Variants in RPS6KA4 observed in about 807,000 individuals in gnomAD.
RPS6KA4 encodes ribosomal protein S6 kinase A4.
In RPS6KA4, 38 loss-of-function variants were observed where a neutral mutation model predicts 89.6. The ratio of observed to expected loss-of-function variants is 0.42; its 90% CI spans 0.33 to 0.56. The LOEUF (loss-of-function observed/expected upper bound fraction) is 0.56. RPS6KA4 is among the 20% of genes least tolerant of loss of function. The pLI, the probability that RPS6KA4 is intolerant of heterozygous loss-of-function variation, is 0.07. For missense variants in RPS6KA4, 873 were observed against 1,098.8 expected (o/e 0.79, Z 2.90); for synonymous variants, 495 against 492.8 (o/e 1.00, Z -0.06).
intron 4 of RPS6KA4, 50 bp downstream of exon 4, chr11:64,360,642 C>A: frequency 6.8e-7 from 1 of 1,477,676 alleles, no homozygotes; most frequent in Non-Finnish European, 9.3e-7. Flanking sequence ...TGGGTCTGTG[C>A]CTTGGAAGGA....
chr11:64,366,186 TTTTGAGACGGAGTCTCAC>T, intron 9 of RPS6KA4, among the ~76,000 whole-genome samples: 1 of 151,186 alleles, frequency 6.6e-6, no homozygotes, highest in Middle Eastern at 3.4e-3. Context: ...TTTTTTTTTT[TTTTGAGACGGAGTCTCAC>T]TCTGTCTCCA....
chr11:64,368,423 C>A, intron 10 of RPS6KA4, 45 bp from the exon 11 acceptor site: 6 of 1,544,614 alleles, frequency 3.9e-6, no homozygotes, highest in Non-Finnish European at 5.2e-6. Context: ...CCAGGTGGGA[C>A]CTCTGACGCG....
rs2037076704 is a variant in RPS6KA4, at chr11:64,371,503, C to T, written c.*23C>T. On this transcript the variant is annotated 3_prime_UTR_variant, in exon 17 of 17. Transcript: ENST00000334205. ...TAATCCCCACCACTGTGACCCCCTT[C>T]CCTCATAGGGGCTGTGACCTGGGAG... The T allele has an allele frequency of 3.2e-6, 3 of 940,236 alleles. No homozygotes were observed. In the East Asian group the frequency reaches 7.8e-5, roughly 25 times the overall value. 58.2% of individuals were successfully genotyped at this position (940,236 alleles called of 1,614,324 possible). A position where few individuals can be genotyped will look rare whatever the true frequency, so the allele number is the denominator to read the frequency against.
At position 64,361,891 on chromosome 11, in the gene RPS6KA4, C is replaced by G. The variant is rs138093547; in HGVS notation, c.795C>G (p.Ile265Met). ...LKCSPPFPPR[I>M]GPVAQDLLQR... ...GCTCCCCTCCCTTCCCCCCTCGGAT[C>G]GGGCCCGTGGCGCAGGACCTGCTGC... The change falls in exon 8 of 17, where the codon ATC becomes ATG. Residue 265 changes from isoleucine (I) to methionine (M), a missense_variant. Around this residue, in one of 4 missense-constraint regions of RPS6KA4, gnomAD observed 542 missense variants for 736.4 expected, o/e 0.74. Transcript: ENST00000334205. The surrounding 1 kb of genome is among the most constrained non-coding windows in gnomAD (Gnocchi z 4.7). 3 of 1,612,988 alleles carry G rather than the reference C, an allele frequency of 1.9e-6. No individual in the cohort carries two copies. The highest frequency in any genetic ancestry group is 1.7e-4 in the Middle Eastern group (1 of 6,058).
rs373639233 is a variant in RPS6KA4 at position 64,361,689 on chromosome 11, G to T, written c.699G>T (p.Thr233=). The T allele has an allele frequency of 6.2e-7, 1 of 1,612,296 alleles. No homozygotes were observed. Among genetic ancestry groups the T allele is most frequent in the Non-Finnish European group, 8.5e-7 (1 of 1,179,752 alleles). Residue 233 remains threonine (T), a synonymous_variant, in exon 7 of 17, where the codon ACG becomes ACT. Coordinates refer to ENST00000334205, the MANE Select transcript of RPS6KA4 (RefSeq NM_003942.3). The surrounding 1 kb of genome is among the most constrained non-coding windows in gnomAD (Gnocchi z 4.7). ...SLGILLFELL[T]GASPFTLEGE... ...GCATCTTGCTCTTCGAGCTGCTGAC[G>T]GGGGCCTCGCCCTTCACCCTGGAGG...
In RPS6KA4 at chr11:64,367,222, T is replaced by G. The variant is rs540982698; in HGVS notation, c.1072-910T>G. Among the ~76,000 whole-genome samples, 4 of 152,318 alleles carry G rather than the reference T, an allele frequency of 2.6e-5. No individual in the cohort carries two copies. The East Asian group carries it at 7.7e-4, about 29-fold the overall frequency. On this transcript the variant is annotated intron_variant, in intron 9 of 16. Coordinates refer to ENST00000334205, the MANE Select transcript of RPS6KA4 (RefSeq NM_003942.3). ...GTGCAGTTGGGCAACCATGGCTCAC[T>G]GCAATCTTGAACTCCTGGGCTTGAG...
chr11:64,359,449 G>T lies in RPS6KA4; in HGVS notation c.127G>T (p.Ala43Ser). ...FELLKVLGTG[A>S]YGKVFLVRKA... ...GCTGCTCAAGGTGCTGGGCACGGGAGGTGAGGACCCCCATCCACCGGGCAG... is the reference window on the plus strand; with the variant it reads ...GCTGCTCAAGGTGCTGGGCACGGGATGTGAGGACCCCCATCCACCGGGCAG... Residue 43 changes from alanine to serine, a missense_variant and splice_region_variant, in exon 2 of 17, where the codon GCC becomes TCC. Ala to Ser is a moderately conservative substitution (Grantham distance 99). Coordinates refer to ENST00000334205, the MANE Select transcript of RPS6KA4 (RefSeq NM_003942.3). 6.2e-7 allele frequency: 1 copy of T among 1,613,420 alleles called. No homozygotes were observed. The highest frequency in any genetic ancestry group is 1.1e-5 in the South Asian group (1 of 91,026).
rs187179762 is a variant in RPS6KA4, at chr11:64,362,466, G to A, written c.906+464G>A. On this transcript the variant is annotated intron_variant, in intron 8 of 16. Coordinates refer to ENST00000334205, the MANE Select transcript of RPS6KA4 (RefSeq NM_003942.3). ...CTGTGTGCCTGTCATTCAGATGGACGGTTGATCAGCACACATGGGTGTTTG... is the reference window on the plus strand; with the variant it reads ...CTGTGTGCCTGTCATTCAGATGGACAGTTGATCAGCACACATGGGTGTTTG... Among the ~76,000 whole-genome samples the A allele has an allele frequency of 3.6e-4, 55 of 152,344 alleles. 1 individual carries two copies. The highest frequency in any genetic ancestry group is 3.5e-3 in the Admixed American group (53 of 15,306).
rs1330866561 is a variant in RPS6KA4 at position 64,371,941 on chromosome 11, G to A, written c.*461G>A. 6.5e-6 allele frequency: 1 copy of A among 153,818 alleles called. No homozygotes were observed. Among genetic ancestry groups the A allele is most frequent in the Non-Finnish European group, 1.4e-5 (1 of 69,022 alleles). 9.5% of individuals were successfully genotyped at this position (153,818 alleles called of 1,614,324 possible). ...TTACGTCCACCAAAGACCCGTGTTG[G>A]GGGTACTGAAGGAGAGGCCCTGGGG... On this transcript the variant is annotated 3_prime_UTR_variant, in exon 17 of 17. Coordinates refer to ENST00000334205, the MANE Select transcript of RPS6KA4 (RefSeq NM_003942.3).
At chr11:64,362,283 G>A (rs1439531217) in intron 8 of RPS6KA4, among the ~76,000 whole-genome samples, 1 of 152,250 alleles carries the variant, frequency 6.6e-6, no homozygotes, top group African/African-American at 2.4e-5. Flanking sequence ...GAGAAGGCAG[G>A]TGACCTGCCC....
At chr11:64,368,419 G>A in intron 10 of RPS6KA4, 49 bp from the exon 11 acceptor site, 1 of 1,543,554 alleles carries the variant, frequency 6.5e-7, no homozygotes, top group South Asian at 1.2e-5. Flanking sequence ...GCTACCAGGT[G>A]GGACCTCTGA....
At position 64,365,350 on chromosome 11, in the gene RPS6KA4, G is replaced by C; in HGVS notation, c.956G>C (p.Arg319Pro). ...GCCAGGAAGATTCCAGCCCCATTCC[G>C]GCCCCAAATCCGCTCAGAGCTGGAT... ...LAARKIPAPF[R>P]PQIRSELDVG... The change falls in exon 9 of 17, where the codon CGG becomes CCG. Residue 319 changes from arginine to proline, a missense_variant. This residue lies in a region of RPS6KA4 where 542 missense variants were observed against 736.4 expected (regional missense o/e 0.74). Transcript: ENST00000334205. 6.2e-7 allele frequency: 1 copy of C among 1,613,990 alleles called. No individual in the cohort carries two copies. Among genetic ancestry groups the C allele is most frequent in the Non-Finnish European group, 8.5e-7 (1 of 1,179,962 alleles).
Position 64,369,454 on chromosome 11 carries a change from G to T in RPS6KA4, c.1437G>T (p.Thr479=). The change falls in exon 13 of 17, where the codon ACG becomes ACT. Residue 479 remains threonine, a synonymous_variant. Transcript: ENST00000334205. ...LHEVHHDQLH[T]YLVLELLRGG... ...CGCCACGCCGCCCGCAGCTGCACAC[G>T]TACCTGGTCCTGGAGCTGCTGCGGG... 2.5e-6 allele frequency: 4 copies of T among 1,604,552 alleles called. No individual in the cohort carries two copies. The highest frequency in any genetic ancestry group is 1.8e-4 in the Middle Eastern group (1 of 5,634).
chr11:64,370,238 C>G lies in RPS6KA4; in HGVS notation c.1811C>G (p.Ser604Trp), dbSNP rs1441850972. The change falls in exon 15 of 17, where the codon TCG becomes TGG. Residue 604 changes from serine to tryptophan, a missense_variant. Ser to Trp is a radical substitution (Grantham distance 177, BLOSUM62 -3). Coordinates refer to ENST00000334205, the MANE Select transcript of RPS6KA4 (RefSeq NM_003942.3). This position sits in a 1 kb window ranked among gnomAD's most constrained non-coding sequence, Gnocchi z 4.1. Reference protein sequence around the residue: ...SLGVILYMMLSGQVPFQGASG... With the variant: ...SLGVILYMMLWGQVPFQGASG... ...TCACCCTCCTAGTACATGATGCTGT[C>G]GGGGCAGGTCCCCTTCCAGGGGGCC... 6.4e-7 allele frequency: 1 copy of G among 1,562,866 alleles called. No homozygotes were observed. Among genetic ancestry groups the G allele is most frequent in the Admixed American group, 2.2e-5 (1 of 45,670 alleles).
At position 64,369,841 on chromosome 11, in the gene RPS6KA4, C is replaced by A; in HGVS notation, c.1745C>A (p.Ala582Glu). 6.3e-7 allele frequency: 1 copy of A among 1,584,814 alleles called. No homozygotes were observed. The highest frequency in any genetic ancestry group is 8.6e-7 in the Non-Finnish European group (1 of 1,166,556). Residue 582 changes from alanine (A) to glutamate (E), a missense_variant, in exon 14 of 17, where the codon GCG (alanine) becomes GAG (glutamate). By Grantham distance (107) the Ala-to-Glu change is moderately radical. Transcript: ENST00000334205. ...TLQYAAPELL[A>E]QQGYDESCDL... ...CAGTACGCTGCCCCCGAGCTGCTGG[C>A]GCAGCAGGGCTACGACGAGTCCTGC... is the stretch of plus-strand genomic sequence containing the variant.
Position 64,361,643 on chromosome 11 carries a change from C to A in RPS6KA4, c.653C>A (p.Ala218Asp). The change falls in exon 7 of 17, where the codon GCT becomes GAT. Residue 218 changes from alanine (A) to aspartate (D), a missense_variant and splice_region_variant. Transcript: ENST00000334205. The surrounding 1 kb of genome is among the most constrained non-coding windows in gnomAD (Gnocchi z 4.7). ...IIRSKTGHGK[A>D]VDWWSLGILL... ...CCTCACCCCGGCTCCACCCGGCAGG[C>A]TGTGGACTGGTGGAGCCTGGGCATC... 6.2e-7 allele frequency: 1 copy of A among 1,613,276 alleles called. No homozygotes were observed. The highest frequency in any genetic ancestry group is 2.2e-5 in the East Asian group (1 of 44,862).
chr11:64,367,174 C>T (rs905262610), intron 9 of RPS6KA4, among the ~76,000 whole-genome samples: 1 of 152,132 alleles, frequency 6.6e-6, no homozygotes, highest in African/African-American at 2.4e-5. Flanking sequence ...GAGACAGGAT[C>T]TTGTTCTGTG....
chr11:64,363,199 G>A (rs113934954), intron 8 of RPS6KA4, among the ~76,000 whole-genome samples: 3 of 152,356 alleles, frequency 2.0e-5, no homozygotes, highest in African/African-American at 7.2e-5. Flanking sequence ...GCCAGGTACT[G>A]TGTTACTCAT....
Position 64,361,816 on chromosome 11 carries a change from G to A in RPS6KA4, c.756-36G>A, listed in dbSNP as rs775304238. On this transcript the variant is annotated intron_variant, in intron 7 of 16. Transcript: ENST00000334205. The surrounding 1 kb of genome is among the most constrained non-coding windows in gnomAD (Gnocchi z 4.7). ...TGCCTGGGCAGGGCTGTGGGTGGGG[G>A]GCTTGCTGCCCCTGACACCCCCCCA... The A allele has an allele frequency of 3.8e-6, 6 of 1,586,004 alleles. No homozygotes were observed. The highest frequency in any genetic ancestry group is 4.3e-6 in the Non-Finnish European group (5 of 1,169,416).
Sources: gnomAD v4.1 joint callset for allele counts (sites outside exome capture counted in the v4.1 genomes callset) on GRCh38, gnomAD v4.1.1 for gene constraint, gnomAD v4.1.1 regional missense constraint, Gnocchi (gnomAD v3.1) non-coding constraint, MANE v1.5 for transcripts, NCBI Gene and HGNC (gene_info 2026-07-23, HGNC 2026-07-21) for gene names.